Variants in RORA observed in about 807,000 individuals in gnomAD.
RORA encodes RAR related orphan receptor A.
A neutral mutation model predicts 69.5 loss-of-function variants in RORA; 7 were observed. The observed-to-expected ratio is 0.10, with a 90% CI of 0.06 to 0.19. The LOEUF is 0.19. RORA is among the 10% of genes least tolerant of loss of function. The pLI is 1.00. For synonymous variants in RORA, 261 were observed against 240.8 expected (o/e 1.08, Z -0.78); for missense variants, 457 against 663.0 (o/e 0.69, Z 3.41).
intron 1 of RORA, among the ~76,000 whole-genome samples, chr15:61,014,026 GC>G (rs1895190653): frequency 6.6e-6 from 1 of 151,956 alleles, no homozygotes; most frequent in African/African-American, 2.4e-5. Flanking sequence ...ATTGTGATCT[GC>G]CCGCCTCGGC....
intron 2 of RORA, among the ~76,000 whole-genome samples, chr15:60,562,637 G>T (rs1332433952): frequency 4.6e-5 from 7 of 150,552 alleles, no homozygotes; most frequent in Non-Finnish European, 5.9e-5. Flanking sequence ...TAGTAGAGAT[G>T]GGGTTTCACC....
At chr15:60,558,395 A>T (rs974736627) in intron 2 of RORA, 34 of 759,104 alleles carry the variant, frequency 4.5e-5, no homozygotes, top group Non-Finnish European at 4.9e-5. Context: ...AAACAGGAAC[A>T]TCTCATGACT....
At chr15:61,032,875 A>C (rs1277113794) in intron 1 of RORA, among the ~76,000 whole-genome samples, 2 of 152,204 alleles carry the variant, frequency 1.3e-5, no homozygotes, top group Non-Finnish European at 2.9e-5. Context: ...ACCTATGTCT[A>C]TATAAATATT....
chr15:60,838,623 C>A (rs562625210), intron 1 of RORA, among the ~76,000 whole-genome samples: 1 of 152,328 alleles, frequency 6.6e-6, no homozygotes, highest in East Asian at 1.9e-4. Flanking sequence ...CCCACTCACA[C>A]CAGACGTAAT....
chr15:61,111,996 G>A (rs2079010338), intron 1 of RORA, among the ~76,000 whole-genome samples: 2 of 152,164 alleles, frequency 1.3e-5, no homozygotes, highest in Non-Finnish European at 2.9e-5. Flanking sequence ...GTGGGAGGTT[G>A]GGTTCACTGA....
At chr15:60,661,939 T>C (rs1052318078) in intron 2 of RORA, among the ~76,000 whole-genome samples, 2 of 152,204 alleles carry the variant, frequency 1.3e-5, no homozygotes, top group Non-Finnish European at 2.9e-5. Context: ...AAGATGTATA[T>C]TGAACCAAAG....
chr15:60,730,854 G>T (rs2071420834), intron 1 of RORA, among the ~76,000 whole-genome samples: 1 of 146,578 alleles, frequency 6.8e-6, no homozygotes, highest in Non-Finnish European at 1.5e-5. Context: ...TATAGGAAAA[G>T]AATTTTTTTT....
chr15:60,714,704 A>G (rs2071197270), intron 1 of RORA, among the ~76,000 whole-genome samples: 1 of 152,132 alleles, frequency 6.6e-6, no homozygotes, highest in Non-Finnish European at 1.5e-5. Context: ...TCTTACATAG[A>G]AAATTTGTGT....
chr15:60,680,553 T>C (rs1219211940), intron 1 of RORA, among the ~76,000 whole-genome samples: 1 of 152,200 alleles, frequency 6.6e-6, no homozygotes, highest in South Asian at 2.1e-4. Flanking sequence ...CTTTTCATTA[T>C]CTGTCTCCAG....
At chr15:60,631,737 C>T (rs1410441547) in intron 2 of RORA, among the ~76,000 whole-genome samples, 1 of 152,204 alleles carries the variant, frequency 6.6e-6, no homozygotes, top group Admixed American at 6.5e-5. Flanking sequence ...CTAAGGGCAA[C>T]CTCACAGGCT....
intron 1 of RORA, among the ~76,000 whole-genome samples, chr15:61,023,267 C>T (rs192966810): frequency 1.0e-4 from 15 of 149,492 alleles, no homozygotes; most frequent in African/African-American, 3.7e-4. Flanking sequence ...ATACCTGAGA[C>T]TGGGGAAAAA....
chr15:61,147,806 GT>G lies in RORA; in HGVS notation c.166+81246del, dbSNP rs534998622. 1.6e-3 allele frequency among the ~76,000 whole-genome samples: 135 copies of G among 84,034 alleles called. No individual in the cohort carries two copies. Among genetic ancestry groups the G allele is most frequent in the African/African-American group, 4.3e-3 (130 of 30,224 alleles). The allele number at this position is 84,034 out of a possible 152,430, so 55.1% of individuals were successfully genotyped here. ...GTGTGTGTGTGTGTGAAATCTTTAG[GT>G]TTTTTTACCTGCCTCCTTCACTGTA... On this transcript the variant is annotated intron_variant, in intron 1 of 10. Transcript: ENST00000335670. The surrounding 1 kb of genome is among the most constrained non-coding windows in gnomAD (Gnocchi z 4.1).
intron 1 of RORA, among the ~76,000 whole-genome samples, chr15:60,783,618 A>G (rs1046514184): frequency 1.3e-5 from 2 of 152,212 alleles, no homozygotes; most frequent in African/African-American, 2.4e-5. Flanking sequence ...CGCATCCTTG[A>G]GTCTCTGGTC....
chr15:61,140,523 G>T (rs548170307), intron 1 of RORA, among the ~76,000 whole-genome samples: 1 of 152,072 alleles, frequency 6.6e-6, no homozygotes. Flanking sequence ...ACAATGCCCC[G>T]ATCCAGAGCA....
At chr15:60,784,904 C>T (rs1271593559) in intron 1 of RORA, among the ~76,000 whole-genome samples, 1 of 152,152 alleles carries the variant, frequency 6.6e-6, no homozygotes, top group East Asian at 1.9e-4. Flanking sequence ...CATTTCTCTC[C>T]ATTTTATTCC....
In RORA at chr15:60,495,406, T is replaced by C. The variant is rs1250657848; in HGVS notation, c.*2049A>G. The C allele has an allele frequency of 6.6e-6, 1 of 152,264 alleles. No homozygotes were observed. Among genetic ancestry groups the C allele is most frequent in the Non-Finnish European group, 1.5e-5 (1 of 68,052 alleles). 9.4% of individuals were successfully genotyped at this position (152,264 alleles called of 1,614,324 possible). A position where few individuals can be genotyped will look rare whatever the true frequency, so the allele number is the denominator to read the frequency against. On this transcript the variant is annotated 3_prime_UTR_variant, in exon 11 of 11. Transcript: ENST00000335670. Reference sequence around the variant, plus strand: ...TACTCTTCTATTTATGGTTAAACTCTTACTATGTTTTTGGAAAAAAAGTTG... The same window carrying C: ...TACTCTTCTATTTATGGTTAAACTCCTACTATGTTTTTGGAAAAAAAGTTG...
At chr15:61,004,730 C>T (rs1894859082) in intron 1 of RORA, among the ~76,000 whole-genome samples, 1 of 152,046 alleles carries the variant, frequency 6.6e-6, no homozygotes, top group African/African-American at 2.4e-5. Flanking sequence ...TAACACTCAG[C>T]AACATAAGAA....
intron 1 of RORA, among the ~76,000 whole-genome samples, chr15:61,192,790 G>C (rs1012519890): frequency 1.3e-5 from 2 of 152,176 alleles, no homozygotes. Flanking sequence ...CTGAGACTCT[G>C]GTTGTCAGAG....
intron 2 of RORA, among the ~76,000 whole-genome samples, chr15:60,612,655 C>G (rs1472526906): frequency 1.5e-5 from 2 of 132,652 alleles, no homozygotes; most frequent in African/African-American, 3.0e-5. Flanking sequence ...CTCTCTCTCT[C>G]TCTCTGTTTT....
Sources: gnomAD v4.1 joint callset for allele counts (sites outside exome capture counted in the v4.1 genomes callset) on GRCh38, gnomAD v4.1.1 for gene constraint, Gnocchi (gnomAD v3.1) non-coding constraint, MANE v1.5 for transcripts, NCBI Gene and HGNC (gene_info 2026-07-23, HGNC 2026-07-21) for gene names.